SURF1: variants seen among roughly 807,000 people sequenced by gnomAD.
SURF1 encodes SURF1 cytochrome c oxidase assembly factor, also known as surfeit locus protein 1.
Under a neutral mutation model 34.1 loss-of-function variants are expected in SURF1, and 45 were observed. The observed-to-expected ratio is 1.32, with a 90% CI of 1.04 to 1.69. The LOEUF (loss-of-function observed/expected upper bound fraction) is 1.69. SURF1 is among the 40% of genes most tolerant of loss of function. The pLI, the probability that SURF1 is intolerant of heterozygous loss-of-function variation, is 0.00. For synonymous variants in SURF1, 188 were observed against 147.5 expected, an observed-to-expected ratio of 1.27 and a Z score of -1.99; for missense variants, 456 against 384.6, an observed-to-expected ratio of 1.19 and a Z score of -1.55.
rs2130009869 is a variant in SURF1, at chr9:133,352,746, C to T, written c.536G>A (p.Arg179Lys). ...CACTTTCTTCCTGGGAACGAACCCT[C>T]TATTTACCAGGATGGTGACTCTAGG... ...TDLGVTILVN[R>K]GFVPRKKVNP... The change falls in exon 6 of 9, where the codon AGA (arginine) becomes AAA (lysine). Residue 179 changes from arginine (R) to lysine (K), a missense_variant. Physicochemically the swap from Arg to Lys is conservative, Grantham distance 26. Coordinates refer to ENST00000371974, the MANE Select transcript of SURF1 (RefSeq NM_003172.4). 4 of 1,612,222 alleles carry T rather than the reference C, an allele frequency of 2.5e-6. No homozygotes were observed. The highest frequency in any genetic ancestry group is 3.4e-6 in the Non-Finnish European group (4 of 1,179,492).
rs1278781462 is a variant in SURF1 at position 133,352,622 on chromosome 9, T to C, written c.589-14A>G. On this transcript the variant is annotated splice_polypyrimidine_tract_variant and intron_variant, in intron 6 of 8. Transcript: ENST00000371974. ...TTCTCCCTCAATCTATAAAGGAAGG[T>C]GTGTGAGATTGCATGGAGCCTGGTG... The C allele has an allele frequency of 1.9e-6, 3 of 1,613,912 alleles. No homozygotes were observed. Among genetic ancestry groups the C allele is most frequent in the Non-Finnish European group, 2.5e-6 (3 of 1,179,978 alleles).
chr9:133,355,782 C>T (rs1000690252), intron 2 of SURF1, among the ~76,000 whole-genome samples: 8 of 151,992 alleles, frequency 5.3e-5, no homozygotes, highest in African/African-American at 1.9e-4. Flanking sequence ...GAGTTCCATC[C>T]GCTGAAAAGC....
chr9:133,351,759 T>C lies in SURF1; in HGVS notation c.*154A>G, dbSNP rs1328971481. The C allele has an allele frequency of 2.2e-6, 2 of 889,284 alleles. No homozygotes were observed. The highest frequency in any genetic ancestry group is 1.7e-5 in the African/African-American group (1 of 60,254). 55.1% of individuals were successfully genotyped at this position (889,284 alleles called of 1,614,324 possible). The stretch of plus-strand genomic sequence containing the variant: ...GAGTATCAAGTTTTGGGAAAGTTCT[T>C]TGGACTGAAACCAAGCCAGGATTTT... On this transcript the variant is annotated 3_prime_UTR_variant, in exon 9 of 9. Transcript: ENST00000371974.
In SURF1 at chr9:133,356,336, G is replaced by C; in HGVS notation, c.55-16C>G. Reference sequence around the variant, plus strand: ...TGGCCGGGGCCTGCGGACACGGACGGGCGGGCTGAGCTCCGGGACCCCTCC... The same window carrying C: ...TGGCCGGGGCCTGCGGACACGGACGCGCGGGCTGAGCTCCGGGACCCCTCC... On this transcript the variant is annotated splice_polypyrimidine_tract_variant and intron_variant, in intron 1 of 8. Transcript: ENST00000371974. The C allele has an allele frequency of 6.6e-7, 1 of 1,505,200 alleles. No individual in the cohort carries two copies. Among genetic ancestry groups the C allele is most frequent in the East Asian group, 2.7e-5 (1 of 37,376 alleles). 93.2% of individuals were successfully genotyped at this position (1,505,200 alleles called of 1,614,324 possible).
At chr9:133,356,123 A>C in intron 2 of SURF1, 146 bp downstream of exon 2, 1 of 1,091,140 alleles carries the variant, frequency 9.2e-7, no homozygotes, top group Admixed American at 2.0e-5. Flanking sequence ...AAAGCATTTT[A>C]ATACGGAACT....
Position 133,352,696 on chromosome 9 carries a change from G to A in SURF1, c.586C>T (p.Gln196Ter), listed in dbSNP as rs147816470. 3.1e-6 allele frequency: 5 copies of A among 1,613,478 alleles called. No homozygotes were observed. In the African/African-American group the frequency reaches 6.7e-5, roughly 22 times the overall value. Residue 196 changes from glutamine to a stop codon, truncating the protein, a stop_gained and splice_region_variant, in exon 6 of 9, where the codon CAG (glutamine) becomes TAG (stop). Coordinates refer to ENST00000371974, the MANE Select transcript of SURF1 (RefSeq NM_003172.4). LOFTEE classifies it high-confidence loss of function. The part of the protein sequence containing the change: ...KVNPETRQKG[Q>*]IEGEVDLIGM... ...TAGGAAGAGTCCATGTCCCTTACCTGGCCTTTCTGCCGGGTTTCAGGATTC... is the reference window on the plus strand; with the variant it reads ...TAGGAAGAGTCCATGTCCCTTACCTAGCCTTTCTGCCGGGTTTCAGGATTC...
Position 133,356,430 on chromosome 9 carries a change from C to G in SURF1, c.24G>C (p.Gln8His), listed in dbSNP as rs1836590611. ...CCAGCCCCGCCGCCCGCAGCCCCAGCTGCAACGCAGCCACCGCCGCCATCG... is the reference window on the plus strand; with the variant it reads ...CCAGCCCCGCCGCCCGCAGCCCCAGGTGCAACGCAGCCACCGCCGCCATCG... MAAVAALQLGLRAAGLGR... is the reference protein window; with the variant it reads MAAVAALHLGLRAAGLGR... The change falls in exon 1 of 9, where the codon CAG becomes CAC. Residue 8 changes from glutamine to histidine, a missense_variant. Gln to His is a conservative substitution (Grantham distance 24). Transcript: ENST00000371974. 7.1e-7 allele frequency: 1 copy of G among 1,410,356 alleles called. No individual in the cohort carries two copies. Among genetic ancestry groups the G allele is most frequent in the Non-Finnish European group, 9.2e-7 (1 of 1,083,478 alleles). The allele number at this position is 1,410,356 out of a possible 1,614,324, so 87.4% of individuals were successfully genotyped here.
chr9:133,355,012 G>C, intron 2 of SURF1, 55 bp from the exon 3 acceptor site: 1 of 1,606,770 alleles, frequency 6.2e-7, no homozygotes, highest in Non-Finnish European at 8.5e-7. Flanking sequence ...CACAGACCTG[G>C]AGCAGCCCGT....
At chr9:133,353,108 C>T (rs2130012198) in intron 5 of SURF1, among the ~76,000 whole-genome samples, 1 of 152,224 alleles carries the variant, frequency 6.6e-6, no homozygotes, top group Non-Finnish European at 1.5e-5. Flanking sequence ...TGAACTATGG[C>T]AAGAGCTGTC....
Position 133,351,858 on chromosome 9 carries a change from A to AT in SURF1, c.*54_*55insA. 5 of 1,570,522 alleles carry AT rather than the reference A, an allele frequency of 3.2e-6. No homozygotes were observed. The South Asian group carries it at 5.7e-5, about 18-fold the overall frequency. ...TACCAGTAGCACATGATCCAGCATA[A>AT]AGGCAGTCTTGAAATACTGCATTAT... On this transcript the variant is annotated 3_prime_UTR_variant, in exon 9 of 9. Transcript: ENST00000371974.
chr9:133,356,368 C>CCCGCACCCCGCACT (rs1836586462), intron 1 of SURF1, 32 bp downstream of exon 1: 3 of 1,370,416 alleles, frequency 2.2e-6, no homozygotes, highest in Non-Finnish European at 2.8e-6. Context: ...CTCCCCGCGC[C>CCCGCACCCCGCACT]CCGCACCCCG....
At position 133,351,951 on chromosome 9, in the gene SURF1, A is replaced by C. The variant is rs2130002887; in HGVS notation, c.865T>G (p.Trp289Gly). Residue 289 changes from tryptophan (W) to glycine (G), a missense_variant, in exon 9 of 9, where the codon TGG (tryptophan) becomes GGG (glycine). By Grantham distance (184) the Trp-to-Gly change is radical. Transcript: ENST00000371974. ...YGLSAATSYL[W>G]FKKFLRGTPG... ...GTCCCACGTAGGAATTTCTTAAACC[A>C]CAGGTAGGATGTAGCTGCAGAGAGT... The C allele has an allele frequency of 2.5e-6, 4 of 1,613,836 alleles. No homozygotes were observed. In the African/African-American group the frequency reaches 5.3e-5, roughly 22 times the overall value.
rs1438253490 is a variant in SURF1, at chr9:133,351,803, G to A, written c.*110C>T. 3 of 1,230,018 alleles carry A rather than the reference G, an allele frequency of 2.4e-6. No individual in the cohort carries two copies. Among genetic ancestry groups the A allele is most frequent in the East Asian group, 5.0e-5 (2 of 40,044 alleles). 76.2% of individuals were successfully genotyped at this position (1,230,018 alleles called of 1,614,324 possible). ...GGATTTTATGATGAACCAGTCATGA[G>A]CTCATTTAAGGTAGAAGGCCAGAAC... On this transcript the variant is annotated 3_prime_UTR_variant, in exon 9 of 9. Coordinates refer to ENST00000371974, the MANE Select transcript of SURF1 (RefSeq NM_003172.4).
intron 2 of SURF1, 98 bp downstream of exon 2, chr9:133,356,171 G>C: frequency 6.8e-7 from 1 of 1,462,470 alleles, no homozygotes; most frequent in Non-Finnish European, 9.2e-7. Context: ...CCGGCAGTTG[G>C]TTCATTTCAA....
At position 133,351,774 on chromosome 9, in the gene SURF1, GC is replaced by G; in HGVS notation, c.*138del. 1 of 1,024,080 alleles carries G rather than the reference GC, an allele frequency of 9.8e-7. No individual in the cohort carries two copies. The highest frequency in any genetic ancestry group is 1.5e-6 in the Non-Finnish European group (1 of 676,300). 63.4% of individuals were successfully genotyped at this position (1,024,080 alleles called of 1,614,324 possible). A position where few individuals can be genotyped will look rare whatever the true frequency, so the allele number is the denominator to read the frequency against. ...GGAAAGTTCTTTGGACTGAAACCAAGCCAGGATTTTATGATGAACCAGTCAT... is the reference window on the plus strand; with the variant it reads ...GGAAAGTTCTTTGGACTGAAACCAAGCAGGATTTTATGATGAACCAGTCAT... On this transcript the variant is annotated 3_prime_UTR_variant, in exon 9 of 9. Coordinates refer to ENST00000371974, the MANE Select transcript of SURF1 (RefSeq NM_003172.4).
chr9:133,356,388 C>CCCCGCAA lies in SURF1; in HGVS notation c.54+11_54+12insTTGCGGG. The CCCCGCAA allele has an allele frequency of 2.1e-6, 3 of 1,403,350 alleles. No homozygotes were observed. The highest frequency in any genetic ancestry group is 1.5e-5 in the South Asian group (1 of 65,904). The allele number at this position is 1,403,350 out of a possible 1,614,324, so 86.9% of individuals were successfully genotyped here. ...CGCGCCCCGCACCCCGCACCCCGCA[C>CCCCGCAA]CCGGCGCTCACCCGTCCCAGCCCCG... is the stretch of plus-strand genomic sequence containing the variant. On this transcript the variant is annotated intron_variant, in intron 1 of 8. Transcript: ENST00000371974.
Position 133,352,559 on chromosome 9 carries a change from C to T in SURF1, c.638G>A (p.Arg213Lys). The change falls in exon 7 of 9, where the codon AGG (arginine) becomes AAG (lysine). Residue 213 changes from arginine (R) to lysine (K), a missense_variant. Physicochemically the swap from Arg to Lys is conservative, Grantham distance 26. Coordinates refer to ENST00000371974, the MANE Select transcript of SURF1 (RefSeq NM_003172.4). ...ATTGTTCTCAGGGACAAAAGGCTGC[C>T]TGGTTTCTGTCAGCCTCACCATCCC... ...LIGMVRLTET[R>K]QPFVPENNPE... 1 of 1,614,180 alleles carries T rather than the reference C, an allele frequency of 6.2e-7. No individual in the cohort carries two copies. Among genetic ancestry groups the T allele is most frequent in the South Asian group, 1.1e-5 (1 of 91,078 alleles).
intron 4 of SURF1, among the ~76,000 whole-genome samples, chr9:133,354,442 C>T (rs964282312): frequency 6.6e-6 from 1 of 152,150 alleles, no homozygotes; most frequent in African/African-American, 2.4e-5. Context: ...CAAAATAAGA[C>T]TTTCCTCCAT....
chr9:133,356,048 C>G (rs927457024), intron 2 of SURF1: 3 of 615,930 alleles, frequency 4.9e-6, no homozygotes, highest in Non-Finnish European at 8.6e-6. Flanking sequence ...GACCAAGGAG[C>G]TACCTCTCGC....
Sources: allele counts gnomAD v4.1 joint callset (sites outside exome capture counted in the v4.1 genomes callset), GRCh38; gene constraint gnomAD v4.1.1; transcripts MANE v1.5; gene names NCBI Gene and HGNC (gene_info 2026-07-23, HGNC 2026-07-21).